TMEM164: variants seen among roughly 807,000 people sequenced by gnomAD.
TMEM164 encodes the protein RP13-360B22.2.
In TMEM164, 4 loss-of-function variants were observed where a neutral mutation model predicts 18.8. The ratio of observed to expected loss-of-function variants is 0.21; its 90% CI spans 0.10 to 0.49. The LOEUF is 0.49. Ranked by LOEUF, TMEM164 falls within the 20% of genes least tolerant of loss-of-function variation. The pLI, the probability that TMEM164 is intolerant of heterozygous loss-of-function variation, is 0.98. For synonymous variants in TMEM164, 86 were observed against 101.7 expected (o/e 0.85, Z 0.93); for missense variants, 108 against 239.9 (o/e 0.45, Z 3.63).
chrX:110,131,541 A>G (rs1381792746), intron 4 of TMEM164, among the ~76,000 whole-genome samples: 2 of 111,205 alleles, frequency 1.8e-5, no homozygotes, highest in Non-Finnish European at 3.8e-5. Context: ...TCATTGGTGG[A>G]AAGGGGCCTC....
chrX:110,166,495 GA>G (rs2067160854), intron 5 of TMEM164, among the ~76,000 whole-genome samples: 1 of 111,810 alleles, frequency 8.9e-6, no homozygotes, highest in Admixed American at 9.4e-5. Context: ...GAAGATTAGA[GA>G]GTGGGATGTC....
intron 2 of TMEM164, among the ~76,000 whole-genome samples, chrX:110,005,122 C>T (rs754469443): frequency 3.6e-5 from 4 of 111,891 alleles, no homozygotes; most frequent in East Asian, 2.8e-4. Flanking sequence ...TGTGGAAAAC[C>T]GGGTGTGTTT....
chrX:110,165,638 C>T (rs1339117889), intron 5 of TMEM164, among the ~76,000 whole-genome samples: 1 of 112,045 alleles, frequency 8.9e-6, no homozygotes, highest in Non-Finnish European at 1.9e-5. Context: ...GTCCTGTTTC[C>T]AGGCCATCTC....
intron 5 of TMEM164, among the ~76,000 whole-genome samples, chrX:110,157,392 A>T (rs1432746700): frequency 9.0e-6 from 1 of 111,474 alleles, no homozygotes; most frequent in Admixed American, 9.5e-5. Context: ...TTAAGGAAGG[A>T]GGGGTTAAGG....
At chrX:110,142,277 G>T (rs1345689442) in intron 4 of TMEM164, among the ~76,000 whole-genome samples, 1 of 112,215 alleles carries the variant, frequency 8.9e-6, no homozygotes, top group African/African-American at 3.2e-5. Context: ...GTGAGGACAT[G>T]TGCATGTCCT....
At chrX:110,105,721 GACACACACAC>G (rs1229836464) in intron 3 of TMEM164, among the ~76,000 whole-genome samples, 2 of 50,888 alleles carry the variant, frequency 3.9e-5, no homozygotes, top group African/African-American at 1.7e-4. Context: ...CACACACACA[GACACACACAC>G]AGAGAGAGAG....
chrX:110,041,464 A>C (rs1473417506), intron 2 of TMEM164, among the ~76,000 whole-genome samples: 1 of 111,546 alleles, frequency 9.0e-6, no homozygotes. Context: ...TTACCTTCTA[A>C]TTAGAGGGCA....
chrX:110,056,957 A>T (rs991315882), intron 2 of TMEM164, among the ~76,000 whole-genome samples: 3 of 106,949 alleles, frequency 2.8e-5, no homozygotes, highest in Non-Finnish European at 5.9e-5. Context: ...ATATATATGG[A>T]AATCACCACA....
In TMEM164 at chrX:110,168,772, CTCTT is replaced by C. The variant is rs1250832645; in HGVS notation, c.587-2644_587-2641del. 3.6e-4 allele frequency among the ~76,000 whole-genome samples: 41 copies of C among 112,581 alleles called. 1 individual carries two copies. The highest frequency in any genetic ancestry group is 5.6e-5 in the Non-Finnish European group (3 of 53,329). On this transcript the variant is annotated intron_variant, in intron 5 of 6. Coordinates refer to ENST00000372068, the MANE Select transcript of TMEM164 (RefSeq NM_032227.4). ...ATTCTGCCTCTGGCCTTTTCCTTCT[CTCTT>C]TCTACGTATGTTCCCATGACTTCAG...
chrX:110,143,883 C>G (rs2066811123), intron 4 of TMEM164, among the ~76,000 whole-genome samples: 1 of 110,711 alleles, frequency 9.0e-6, no homozygotes, highest in Admixed American at 9.5e-5. Flanking sequence ...GAGGCTAGGC[C>G]TCTTGTCAGC....
chrX:110,120,934 G>T (rs2066440647), intron 4 of TMEM164, among the ~76,000 whole-genome samples: 1 of 112,129 alleles, frequency 8.9e-6, no homozygotes, highest in Non-Finnish European at 1.9e-5. Flanking sequence ...CCTTGTTCTA[G>T]TTCTGCCCTG....
chrX:110,139,031 G>A (rs1308217648), intron 4 of TMEM164, among the ~76,000 whole-genome samples: 1 of 112,447 alleles, frequency 8.9e-6, no homozygotes, highest in Non-Finnish European at 1.9e-5. Flanking sequence ...AGACATCTCT[G>A]GAGGAGTTTT....
chrX:110,065,145 G>C (rs1375774575), intron 2 of TMEM164: 1 of 111,581 alleles, frequency 9.0e-6, no homozygotes, highest in East Asian at 2.8e-4. Flanking sequence ...CTGGAGGCTT[G>C]TTCTCTTTAA....
intron 4 of TMEM164, among the ~76,000 whole-genome samples, chrX:110,116,361 C>T (rs2147993499): frequency 8.9e-6 from 1 of 111,994 alleles, no homozygotes; most frequent in Non-Finnish European, 1.9e-5. Flanking sequence ...TACCTTAATA[C>T]ACAGCCTCCT....
chrX:110,095,736 A>G (rs947849423), intron 3 of TMEM164, among the ~76,000 whole-genome samples: 1 of 112,357 alleles, frequency 8.9e-6, no homozygotes, highest in African/African-American at 3.2e-5. Flanking sequence ...GCGAGGAGCT[A>G]TGTTCCTTTG....
intron 2 of TMEM164, among the ~76,000 whole-genome samples, chrX:110,024,731 T>G (rs1934101338): frequency 8.9e-6 from 1 of 111,922 alleles, no homozygotes; most frequent in Non-Finnish European, 1.9e-5. Context: ...TTGTGTTCTG[T>G]TTTACAAGAG....
chrX:110,022,378 T>A (rs1345854561), intron 2 of TMEM164, among the ~76,000 whole-genome samples: 1 of 111,508 alleles, frequency 9.0e-6, no homozygotes, highest in Non-Finnish European at 1.9e-5. Flanking sequence ...TAACTACCTT[T>A]ATTGGGCCTT....
At chrX:110,004,309 G>C (rs371326879) in intron 2 of TMEM164, 145 bp downstream of exon 2, 19 of 757,371 alleles carry the variant, frequency 2.5e-5, no homozygotes, top group Non-Finnish European at 3.0e-5. Flanking sequence ...CCTTTGTGCC[G>C]ATTTCAGGTT....
chrX:110,041,074 T>C (rs778218940), intron 2 of TMEM164, among the ~76,000 whole-genome samples: 5 of 112,246 alleles, frequency 4.5e-5, no homozygotes, highest in Non-Finnish European at 9.4e-5. Context: ...TCTTTGTCGC[T>C]TCTGTTATGG....
Sources: gnomAD v4.1 joint callset for allele counts (sites outside exome capture counted in the v4.1 genomes callset) on GRCh38, gnomAD v4.1.1 for gene constraint, MANE v1.5 for transcripts, NCBI Gene and HGNC (gene_info 2026-07-23, HGNC 2026-07-21) for gene names.